The following POLRMT variants were observed in gnomAD, a reference collection of about 807,000 sequenced individuals.
POLRMT encodes the protein DNA-directed RNA polymerase, mitochondrial.
A neutral mutation model predicts 132.2 loss-of-function variants in POLRMT; 114 were observed. That is an observed-to-expected ratio of 0.86 (90% CI 0.74 to 1.01). The LOEUF is 1.01. POLRMT is among the 50% of genes least tolerant of loss of function. The probability of loss-of-function intolerance (pLI) is 0.00; values close to 1 mark genes in which losing one functional copy is unlikely to be tolerated. For synonymous variants in POLRMT, 1,020 were observed against 773.4 expected (o/e 1.32, Z -5.29); for missense variants, 2,003 against 1,729.1 (o/e 1.16, Z -2.81).
Position 622,336 on chromosome 19 carries a change from T to G in POLRMT, c.1664A>C (p.Glu555Ala), listed in dbSNP as rs2238549. ...EPCLPRQYWE[E>A]LGAPEALREQ... The stretch of plus-strand genomic sequence containing the variant: ...CCGCAGGGCCTCGGGCGCCCCCAGC[T>G]CCTCCCAGTACTGCCGCGGCAGGCA... Residue 555 changes from glutamate to alanine, a missense_variant, in exon 9 of 21, where the codon GAG (glutamate) becomes GCG (alanine). Transcript: ENST00000588649. The G allele has an allele frequency of 0.5, 771,998 of 1,556,870 alleles. 197,311 individuals are homozygous for G. The highest frequency in any genetic ancestry group is 0.74 in the South Asian group (62,955 of 85,072).
intron 9 of POLRMT, 92 bp from the exon 10 acceptor site, chr19:621,938 G>C (rs889068760): frequency 1.4e-6 from 2 of 1,442,172 alleles, no homozygotes; most frequent in South Asian, 1.3e-5. Context: ...CCGGCTCCCC[G>C]GCCAACAAGA....
rs992004697 is a variant in POLRMT, at chr19:632,790, G to T, written c.193+44C>A. 6.8e-6 allele frequency: 10 copies of T among 1,473,538 alleles called. No individual in the cohort carries two copies. In the Admixed American group the frequency reaches 1.7e-4, roughly 25 times the overall value. 91.3% of individuals were successfully genotyped at this position (1,473,538 alleles called of 1,614,324 possible). On this transcript the variant is annotated intron_variant, in intron 2 of 20. Coordinates refer to ENST00000588649, the MANE Select transcript of POLRMT (RefSeq NM_005035.4). ...CTTTGCCTTTTCTCCCGGCAGCAGGGAGCGGACTCTCCTCTCCCGGGCCGC... is the reference window on the plus strand; with the variant it reads ...CTTTGCCTTTTCTCCCGGCAGCAGGTAGCGGACTCTCCTCTCCCGGGCCGC...
rs1026368621 is a variant in POLRMT, at chr19:633,408, G to A, written c.88+17C>T. The A allele has an allele frequency of 6.6e-7, 1 of 1,511,714 alleles. No individual in the cohort carries two copies. Among genetic ancestry groups the A allele is most frequent in the Admixed American group, 2.0e-5 (1 of 50,876 alleles). 93.6% of individuals were successfully genotyped at this position (1,511,714 alleles called of 1,614,324 possible). On this transcript the variant is annotated intron_variant, in intron 1 of 20. Coordinates refer to ENST00000588649, the MANE Select transcript of POLRMT (RefSeq NM_005035.4). Reference sequence around the variant, plus strand: ...GCCGTGGCCCCCGGGCTGCCTGGCCGTCTCCCTTTGTGTTACCTTCTTTGC... The same window carrying A: ...GCCGTGGCCCCCGGGCTGCCTGGCCATCTCCCTTTGTGTTACCTTCTTTGC...
rs1568374313 is a variant in POLRMT at position 618,497 on chromosome 19, T to G, written c.3413A>C (p.His1138Pro). 1 of 1,610,156 alleles carries G rather than the reference T, an allele frequency of 6.2e-7. No individual in the cohort carries two copies. The stretch of plus-strand genomic sequence containing the variant: ...GTCCGGAGACGCCCACCTGTAGCAG[T>G]GCAGGGCGGTGAGCATCATGTGGGA... ...DSSHMMLTALHCYRKGLTFVS... is the reference protein window; with the variant it reads ...DSSHMMLTALPCYRKGLTFVS... Residue 1138 changes from histidine to proline, a missense_variant, in exon 17 of 21, where the codon CAC (histidine) becomes CCC (proline). Coordinates refer to ENST00000588649, the MANE Select transcript of POLRMT (RefSeq NM_005035.4).
chr19:620,302 C>G (rs1452527380), intron 11 of POLRMT, 63 bp downstream of exon 11: 1 of 1,485,816 alleles, frequency 6.7e-7, no homozygotes, highest in South Asian at 1.3e-5. Flanking sequence ...CTCACACCCT[C>G]AAGTCGAGCC....
In POLRMT at chr19:629,583, G is replaced by A. The variant is rs771579736; in HGVS notation, c.779C>T (p.Thr260Met). Residue 260 changes from threonine (T) to methionine (M), a missense_variant, in exon 3 of 21, where the codon ACG becomes ATG. Thr to Met is a moderately conservative substitution (Grantham distance 81, BLOSUM62 -1). Transcript: ENST00000588649. ...CATCACGGCGTTGTACATGTCCAGCGTGAGCAGCTTCCGCTTCTGCCGCTG... is the reference window on the plus strand; with the variant it reads ...CATCACGGCGTTGTACATGTCCAGCATGAGCAGCTTCCGCTTCTGCCGCTG... ...HGQRQKRKLL[T>M]LDMYNAVMLG... is the part of the protein sequence containing the mutation. 57 of 1,590,428 alleles carry A rather than the reference G, an allele frequency of 3.6e-5. No individual in the cohort carries two copies. The highest frequency in any genetic ancestry group is 4.6e-5 in the South Asian group (4 of 87,796).
chr19:627,300 C>T (rs898402179), intron 3 of POLRMT, among the ~76,000 whole-genome samples: 7 of 151,704 alleles, frequency 4.6e-5, no homozygotes, highest in Non-Finnish European at 1.0e-4. Context: ...TGCAGGCGCC[C>T]GCCACCACAC....
Position 619,020 on chromosome 19 carries a change from A to C in POLRMT, c.3244T>G (p.Tyr1082Asp). ...ACCTTGACCTTGGAGTCCAGGCGAT[A>C]GGGCTGGATGACGGGGACGCCCAGG... ...TPLGVPVIQP[Y>D]RLDSKVKQIG... The change falls in exon 15 of 21, where the codon TAT becomes GAT. Residue 1082 changes from tyrosine (Y) to aspartate (D), a missense_variant. By Grantham distance (160) the Tyr-to-Asp change is radical. Transcript: ENST00000588649. 6.3e-7 allele frequency: 1 copy of C among 1,595,252 alleles called. No individual in the cohort carries two copies. Among genetic ancestry groups the C allele is most frequent in the Non-Finnish European group, 8.5e-7 (1 of 1,170,770 alleles).
chr19:633,348 C>A, intron 1 of POLRMT, 77 bp downstream of exon 1: 1 of 1,377,034 alleles, frequency 7.3e-7, no homozygotes. Flanking sequence ...AAGGTCAAAG[C>A]GCCAAAGGCC....
chr19:625,251 C>T lies in POLRMT; in HGVS notation c.826G>A (p.Ala276Thr), dbSNP rs753578702. 2.1e-5 allele frequency: 34 copies of T among 1,613,702 alleles called. No individual in the cohort carries two copies. The highest frequency in any genetic ancestry group is 2.9e-5 in the Non-Finnish European group (34 of 1,179,882). The change falls in exon 4 of 21, where the codon GCC becomes ACC. Residue 276 changes from alanine (A) to threonine (T), a missense_variant. Physicochemically the swap from Ala to Thr is moderately conservative, Grantham distance 58. Coordinates refer to ENST00000588649, the MANE Select transcript of POLRMT (RefSeq NM_005035.4). Reference sequence around the variant, plus strand: ...AACACATATACCAGCTCCTTGAAGGCACCCTGGGAGACCAAGCCAGGGTGA... The same window carrying T: ...AACACATATACCAGCTCCTTGAAGGTACCCTGGGAGACCAAGCCAGGGTGA... Reference protein sequence around the residue: ...AVMLGWARQGAFKELVYVLFM... With the variant: ...AVMLGWARQGTFKELVYVLFM...
intron 17 of POLRMT, 91 bp from the exon 18 acceptor site, chr19:617,940 T>C (rs1240399397): frequency 1.6e-6 from 2 of 1,266,268 alleles, no homozygotes; most frequent in South Asian, 1.3e-5. Context: ...CCCCCTCCAC[T>C]TGAGGTCCAG....
chr19:632,755 G>T, intron 2 of POLRMT, 79 bp downstream of exon 2: 1 of 1,279,646 alleles, frequency 7.8e-7, no homozygotes, highest in South Asian at 1.4e-5. Flanking sequence ...GCCTGTCTCA[G>T]AATCTGAGCC....
chr19:629,971 G>T lies in POLRMT; in HGVS notation c.391C>A (p.Arg131=). ...RWAKILEKDK[R]TQQMRMQRLK... is the part of the protein sequence containing the mutation. ...CGCTGCATACGCATCTGCTGGGTCC[G>T]CTTATCCTTCTCCAGTATCTTTGCC... The change falls in exon 3 of 21, where the codon CGG becomes AGG. Residue 131 remains arginine (R), a synonymous_variant. Coordinates refer to ENST00000588649, the MANE Select transcript of POLRMT (RefSeq NM_005035.4). 2 of 1,613,810 alleles carry T rather than the reference G, an allele frequency of 1.2e-6. No individual in the cohort carries two copies. Among genetic ancestry groups the T allele is most frequent in the Non-Finnish European group, 1.7e-6 (2 of 1,180,034 alleles).
At position 617,416 on chromosome 19, in the gene POLRMT, T is replaced by C. The variant is rs1361894593; in HGVS notation, c.3643+3A>G. 1 of 1,612,356 alleles carries C rather than the reference T, an allele frequency of 6.2e-7. No homozygotes were observed. Among genetic ancestry groups the C allele is most frequent in the Admixed American group, 1.7e-5 (1 of 60,002 alleles). On this transcript the variant is annotated splice_donor_region_variant and intron_variant, in intron 20 of 20. Coordinates refer to ENST00000588649, the MANE Select transcript of POLRMT (RefSeq NM_005035.4). ...ACCCTTGCGAGGCTGCCCACCCGCC[T>C]ACCTGGCTTGGGCACCGCCTGCAGT...
Position 629,878 on chromosome 19 carries a change from C to T in POLRMT, c.484G>A (p.Val162Met). 2.5e-6 allele frequency: 4 copies of T among 1,611,178 alleles called. No individual in the cohort carries two copies. Among genetic ancestry groups the T allele is most frequent in the Non-Finnish European group, 3.4e-6 (4 of 1,178,974 alleles). The change falls in exon 3 of 21, where the codon GTG (valine) becomes ATG (methionine). Residue 162 changes from valine (V) to methionine (M), a missense_variant. Physicochemically the swap from Val to Met is conservative, Grantham distance 21. Coordinates refer to ENST00000588649, the MANE Select transcript of POLRMT (RefSeq NM_005035.4). ...TGCTTGCTCAGGAGCCGGGGCTCCA[C>T]CTGCAGGCGCCTGGTCAGCGCCTTG... ...EFKALTRRLQ[V>M]EPRLLSKQMA...
At position 622,602 on chromosome 19, in the gene POLRMT, A is replaced by G. The variant is rs1376929485; in HGVS notation, c.1606T>C (p.Leu536=). The G allele has an allele frequency of 1.9e-6, 3 of 1,604,534 alleles. No homozygotes were observed. The highest frequency in any genetic ancestry group is 3.4e-5 in the Admixed American group (2 of 59,574). The change falls in exon 8 of 21, where the codon TTG becomes CTG. Residue 536 remains leucine (L), a synonymous_variant. Transcript: ENST00000588649. ...CTCACCTCGGCGTCGGAGGCCAGCA[A>G]GCAGAGGTACTTCCTGTAGTGGTTC... is the stretch of plus-strand genomic sequence containing the variant. ...LQNHYRKYLC[L]LASDAEVPEP...
Position 621,202 on chromosome 19 carries a change from C to G in POLRMT, c.2496G>C (p.Pro832=), listed in dbSNP as rs763286166. Residue 832 remains proline (P), a synonymous_variant, in exon 10 of 21, where the codon CCG becomes CCC. Coordinates refer to ENST00000588649, the MANE Select transcript of POLRMT (RefSeq NM_005035.4). ...GCCAATCCAGGCCGTGCGGGCCGAG[C>G]GGGCGGCCCTGGGCGAACTCCAGCA... ...RALLEFAQGR[P]LGPHGLDWLK... 1.2e-5 allele frequency: 19 copies of G among 1,610,196 alleles called. No individual in the cohort carries two copies. Among genetic ancestry groups the G allele is most frequent in the Non-Finnish European group, 1.6e-5 (19 of 1,178,456 alleles).
chr19:629,279 C>T (rs1985233699), intron 3 of POLRMT, among the ~76,000 whole-genome samples: 1 of 152,156 alleles, frequency 6.6e-6, no homozygotes, highest in Non-Finnish European at 1.5e-5. Flanking sequence ...AAAAGCACCC[C>T]TGCCCAGACA....
chr19:633,141 G>A (rs895859879), intron 1 of POLRMT: 42 of 598,626 alleles, frequency 7.0e-5, no homozygotes, highest in Non-Finnish European at 1.0e-4. Context: ...ACCGCCGAGA[G>A]AGGGTTCCTC....
Sources: gnomAD v4.1 joint callset for allele counts (sites outside exome capture counted in the v4.1 genomes callset) on GRCh38, gnomAD v4.1.1 for gene constraint, MANE v1.5 for transcripts, NCBI Gene and HGNC (gene_info 2026-07-23, HGNC 2026-07-21) for gene names.